Variants in FAM234A observed in about 807,000 individuals in gnomAD.
FAM234A encodes protein FAM234A.
In FAM234A, 42 loss-of-function variants were observed where a neutral mutation model predicts 49.1. The observed-to-expected ratio is 0.86, with a 90% CI of 0.67 to 1.11. The LOEUF (loss-of-function observed/expected upper bound fraction) is 1.11, where lower values mean the gene tolerates loss of function less well. Ranked by LOEUF, FAM234A falls within the 50% of genes least tolerant of loss-of-function variation. The probability of loss-of-function intolerance (pLI) is 0.00; values close to 1 mark genes in which losing one functional copy is unlikely to be tolerated. For missense variants in FAM234A, 815 were observed against 745.2 expected (o/e 1.09, Z -1.09); for synonymous variants, 369 against 316.2 (o/e 1.17, Z -1.77).
chr16:239,745 C>T (rs1336480096), intron 1 of FAM234A, among the ~76,000 whole-genome samples: 1 of 152,110 alleles, frequency 6.6e-6, no homozygotes, highest in African/African-American at 2.4e-5. Flanking sequence ...GTAATAGTTG[C>T]CTATCAGCTG....
chr16:254,382 G>T lies in FAM234A; in HGVS notation c.-32G>T. ...CGACCTCTTGCTTTATCGACACAGT[G>T]ACCAGGAGTTAAACTTTGGGATGTG... On this transcript the variant is annotated splice_region_variant and 5_prime_UTR_variant, in exon 3 of 13. An upstream open reading frame in the 5' UTR loses its in-frame stop. Coordinates refer to ENST00000399932, the MANE Select transcript of FAM234A (RefSeq NM_032039.4). 3 of 1,610,730 alleles carry T rather than the reference G, an allele frequency of 1.9e-6. No homozygotes were observed. In the South Asian group the frequency reaches 3.3e-5, roughly 18 times the overall value.
At chr16:263,456 G>A (rs1051589650) in intron 9 of FAM234A, 54 bp downstream of exon 9, 35 of 1,592,102 alleles carry the variant, frequency 2.2e-5, no homozygotes, top group Admixed American at 1.0e-4. Context: ...CCGGCATCCC[G>A]GGCACATCCC....
At chr16:268,576 G>T (rs529467251), downstream of FAM234A, 47 of 609,346 alleles carry the variant, frequency 7.7e-5, 1 homozygote, top group South Asian at 8.7e-4. Context: ...CTATGGAATC[G>T]GGCCTCGTCA....
intron 3 of FAM234A, among the ~76,000 whole-genome samples, chr16:258,769 T>C (rs1404574181): frequency 6.6e-6 from 1 of 152,156 alleles, no homozygotes; most frequent in Non-Finnish European, 1.5e-5. Context: ...AGGGGGCAGC[T>C]GGGCCCGGCC....
At chr16:246,795 G>A (rs1362935742) in intron 1 of FAM234A, among the ~76,000 whole-genome samples, 3 of 138,134 alleles carry the variant, frequency 2.2e-5, no homozygotes, top group Non-Finnish European at 3.1e-5. Context: ...CTTTTTTTGA[G>A]ATGGGGGTCT....
At chr16:255,178 TG>T (rs2051182146) in intron 3 of FAM234A, among the ~76,000 whole-genome samples, 1 of 152,194 alleles carries the variant, frequency 6.6e-6, no homozygotes, top group Admixed American at 6.5e-5. Context: ...TTGGTAAAGA[TG>T]GGGTTTTACC....
chr16:258,225 G>C (rs922597427), intron 3 of FAM234A, among the ~76,000 whole-genome samples: 2 of 150,904 alleles, frequency 1.3e-5, no homozygotes, highest in Non-Finnish European at 2.9e-5. Context: ...AGGGTCATAC[G>C]ACAATAGTGG....
At chr16:257,964 T>G (rs2051302617) in intron 3 of FAM234A, among the ~76,000 whole-genome samples, 1 of 152,096 alleles carries the variant, frequency 6.6e-6, no homozygotes, top group East Asian at 1.9e-4. Context: ...TTCAGGCGAT[T>G]CTCCTGCCTT....
intron 1 of FAM234A, among the ~76,000 whole-genome samples, chr16:247,527 G>C (rs1567212401): frequency 6.6e-6 from 1 of 151,668 alleles, no homozygotes; most frequent in East Asian, 1.9e-4. Flanking sequence ...CTGCCTCCCA[G>C]GTTCAAACAA....
intron 1 of FAM234A, among the ~76,000 whole-genome samples, chr16:242,547 T>G (rs1327413431): frequency 4.0e-5 from 6 of 151,876 alleles, no homozygotes; most frequent in Non-Finnish European, 7.4e-5. Context: ...ATAATCCGTT[T>G]GAATAACCAT....
rs555614532 is a variant in FAM234A at position 248,801 on chromosome 16, G to C, written c.-139-748G>C. ...ACACCTGGCTGATTTTTGTATTTTT[G>C]GGTAGAGAAGAAGTGTCCCCTGTTG... On this transcript the variant is annotated intron_variant, in intron 1 of 12. Coordinates refer to ENST00000399932, the MANE Select transcript of FAM234A (RefSeq NM_032039.4). Among the ~76,000 whole-genome samples the C allele has an allele frequency of 5.9e-5, 9 of 151,676 alleles. No individual in the cohort carries two copies. The South Asian group carries it at 1.5e-3, about 25-fold the overall frequency.
At chr16:240,043 A>T (rs1047658944) in intron 1 of FAM234A, 1 of 152,314 alleles carries the variant, frequency 6.6e-6, no homozygotes. Context: ...TGCTTTGCTC[A>T]GCTGAAACAT....
intron 2 of FAM234A, among the ~76,000 whole-genome samples, chr16:251,534 C>G (rs1368129339): frequency 2.6e-5 from 4 of 151,880 alleles, no homozygotes; most frequent in Non-Finnish European, 4.4e-5. Context: ...GCCGCCATAC[C>G]CAACTAATTT....
chr16:267,450 A>T (rs369604173), downstream of FAM234A, among the ~76,000 whole-genome samples: 38 of 152,190 alleles, frequency 2.5e-4, no homozygotes, highest in South Asian at 1.4e-3. Context: ...TGCACAATAC[A>T]TTCACACATA....
At chr16:267,462 G>A (rs1014882078), downstream of FAM234A, among the ~76,000 whole-genome samples, 6 of 151,438 alleles carry the variant, frequency 4.0e-5, no homozygotes, top group Admixed American at 1.3e-4. Context: ...TCACACATAT[G>A]TACTATACAT....
chr16:254,540 C>T lies in FAM234A; in HGVS notation c.127C>T (p.Arg43Trp), dbSNP rs1015968509. The T allele has an allele frequency of 8.1e-6, 13 of 1,614,086 alleles. No homozygotes were observed. Among genetic ancestry groups the T allele is most frequent in the African/African-American group, 1.3e-5 (1 of 74,938 alleles). Residue 43 changes from arginine (R) to tryptophan (W), a missense_variant, in exon 3 of 13, where the codon CGG becomes TGG. Transcript: ENST00000399932. ...DNVKSAPPQSRLSRCRAAAFF... is the reference protein window; with the variant it reads ...DNVKSAPPQSWLSRCRAAAFF... ...CGTGAAAAGCGCGCCTCCACAGTCC[C>T]GGCTCTCCCGGTGCCGAGCGGCGGC...
At chr16:268,684 A>G (rs902035569), downstream of FAM234A, 5 of 1,367,594 alleles carry the variant, frequency 3.7e-6, no homozygotes, top group East Asian at 2.5e-5. Context: ...CAAATTCTGG[A>G]ACGCGTTTGG....
intron 3 of FAM234A, among the ~76,000 whole-genome samples, chr16:257,451 G>C (rs1228918182): frequency 6.6e-6 from 1 of 151,654 alleles, no homozygotes; most frequent in Non-Finnish European, 1.5e-5. Context: ...TCACCATATT[G>C]GCCAGGCTGG....
At position 247,945 on chromosome 16, in the gene FAM234A, C is replaced by T. The variant is rs368105402; in HGVS notation, c.-139-1604C>T. 3.9e-5 allele frequency among the ~76,000 whole-genome samples: 6 copies of T among 152,218 alleles called. No individual in the cohort carries two copies. In the East Asian group the frequency reaches 9.6e-4, roughly 24 times the overall value. On this transcript the variant is annotated intron_variant, in intron 1 of 12. Transcript: ENST00000399932. ...AGTCCCCATGGAGGCACTGCGGGGC[C>T]TGACTGTCTGGGAACCCTCTCAGAG... is the stretch of plus-strand genomic sequence containing the variant.
Sources: allele counts gnomAD v4.1 joint callset (sites outside exome capture counted in the v4.1 genomes callset), GRCh38; gene constraint gnomAD v4.1.1; transcripts MANE v1.5; gene names NCBI Gene and HGNC (gene_info 2026-07-23, HGNC 2026-07-21).